The following CAMK1D variants were observed in gnomAD, a reference collection of about 807,000 sequenced individuals.
CAMK1D encodes the protein calcium/calmodulin dependent protein kinase ID, also known as calcium/calmodulin-dependent protein kinase type 1D.
In CAMK1D, 9 loss-of-function variants were observed where a neutral mutation model predicts 47.7. The observed-to-expected ratio is 0.19, with a 90% CI of 0.11 to 0.33. The LOEUF (loss-of-function observed/expected upper bound fraction) is 0.33. Ranked by LOEUF, CAMK1D falls within the 10% of genes least tolerant of loss-of-function variation. The pLI, the probability that CAMK1D is intolerant of heterozygous loss-of-function variation, is 1.00. For synonymous variants in CAMK1D, 184 were observed against 184.9 expected (o/e 0.99, Z 0.04); for missense variants, 291 against 488.7 (o/e 0.60, Z 3.81).
chr10:12,596,225 G>T (rs1409499358), intron 2 of CAMK1D, among the ~76,000 whole-genome samples: 1 of 152,120 alleles, frequency 6.6e-6, no homozygotes, highest in African/African-American at 2.4e-5. Context: ...ATTTCTTTGA[G>T]CATTAAAGGA....
chr10:12,404,788 G>A (rs1839355594), intron 1 of CAMK1D, among the ~76,000 whole-genome samples: 1 of 151,488 alleles, frequency 6.6e-6, no homozygotes, highest in Admixed American at 6.6e-5. Context: ...TCTGCCTCGT[G>A]GGTGATTCTC....
intron 2 of CAMK1D, among the ~76,000 whole-genome samples, chr10:12,603,138 C>T (rs10906182): frequency 0.85 from 128,597 of 151,824 alleles, 55,199 homozygotes; most frequent in Non-Finnish European, 0.93. Flanking sequence ...CTTGAACTTA[C>T]GACTTCAGAT....
At chr10:12,492,768 T>C (rs1165141613) in intron 1 of CAMK1D, among the ~76,000 whole-genome samples, 1 of 152,224 alleles carries the variant, frequency 6.6e-6, no homozygotes, top group Non-Finnish European at 1.5e-5. Flanking sequence ...GAGTCAGTTG[T>C]GGGCTCCCCA....
chr10:12,393,590 G>A (rs920059285), intron 1 of CAMK1D, among the ~76,000 whole-genome samples: 1 of 152,208 alleles, frequency 6.6e-6, no homozygotes, highest in East Asian at 1.9e-4. Context: ...TTGAGCTTCA[G>A]GCCCAGCTTT....
rs1833480703 is a variant in CAMK1D at position 12,834,851 on chromosome 10, G to C, written c.*5964G>C. On this transcript the variant is annotated 3_prime_UTR_variant, in exon 11 of 11. Coordinates refer to ENST00000619168, the MANE Select transcript of CAMK1D (RefSeq NM_153498.4). ...GCTCTCCTGGAAGCCCTGCACTTCA[G>C]GGCACAGGGGCCCTGGGACGTGGTT... is the stretch of plus-strand genomic sequence containing the variant. 6.6e-6 allele frequency: 1 copy of C among 152,110 alleles called. No individual in the cohort carries two copies. Among genetic ancestry groups the C allele is most frequent in the African/African-American group, 2.4e-5 (1 of 41,416 alleles). The allele number at this position is 152,110 out of a possible 1,614,324, so 9.4% of individuals were successfully genotyped here.
chr10:12,535,889 A>G (rs879372078), intron 1 of CAMK1D, among the ~76,000 whole-genome samples: 2 of 152,168 alleles, frequency 1.3e-5, no homozygotes, highest in Non-Finnish European at 2.9e-5. Context: ...GTGGTGTGTT[A>G]TCTGTGGTAA....
chr10:12,690,582 G>A (rs755156434), intron 3 of CAMK1D, among the ~76,000 whole-genome samples: 39 of 152,200 alleles, frequency 2.6e-4, no homozygotes, highest in Admixed American at 4.6e-4. Flanking sequence ...GCCTCACAGT[G>A]AGGTAGAATT....
chr10:12,560,978 A>G (rs1366021002), intron 2 of CAMK1D, among the ~76,000 whole-genome samples: 1 of 150,954 alleles, frequency 6.6e-6, no homozygotes, highest in Non-Finnish European at 1.5e-5. Flanking sequence ...CAGCAGTGCG[A>G]TCTCGGCTCA....
intron 1 of CAMK1D, among the ~76,000 whole-genome samples, chr10:12,468,269 G>C (rs971732214): frequency 7.9e-5 from 12 of 152,128 alleles, no homozygotes; most frequent in African/African-American, 2.7e-4. Flanking sequence ...TGTTGCCCAG[G>C]CTGGCTCATC....
At chr10:12,734,472 GTGTATATATACACATATGTATA>G (rs2130823721) in intron 3 of CAMK1D, among the ~76,000 whole-genome samples, 1 of 21,084 alleles carries the variant, frequency 4.7e-5, no homozygotes, top group Admixed American at 5.9e-4. Flanking sequence ...ATACACATAT[GTGTATATATACACATATGTATA>G]TATATACACA....
rs774690063 is a variant in CAMK1D at position 12,357,978 on chromosome 10, G to A, written c.92+8068G>A. Reference sequence around the variant, plus strand: ...ACATGCCGTAGGTCAAGTTCATTCCGCCACAGACCAAGTTCATTTTATATC... The same window carrying A: ...ACATGCCGTAGGTCAAGTTCATTCCACCACAGACCAAGTTCATTTTATATC... On this transcript the variant is annotated intron_variant, in intron 1 of 10. Transcript: ENST00000619168. Among the ~76,000 whole-genome samples the A allele has an allele frequency of 1.3e-4, 20 of 152,104 alleles. No individual in the cohort carries two copies. In the East Asian group the frequency reaches 2.1e-3, roughly 16 times the overall value.
At chr10:12,673,523 T>C (rs1237257910) in intron 3 of CAMK1D, among the ~76,000 whole-genome samples, 2 of 152,208 alleles carry the variant, frequency 1.3e-5, no homozygotes, top group Non-Finnish European at 2.9e-5. Flanking sequence ...AGTTCCAGTG[T>C]TGTTTTGTGG....
At chr10:12,414,416 A>T (rs1839774185) in intron 1 of CAMK1D, among the ~76,000 whole-genome samples, 1 of 152,196 alleles carries the variant, frequency 6.6e-6, no homozygotes, top group Non-Finnish European at 1.5e-5. Flanking sequence ...CTGTGGTTTT[A>T]GGGAAAAATA....
At chr10:12,686,346 A>C (rs1832665449) in intron 3 of CAMK1D, among the ~76,000 whole-genome samples, 1 of 151,998 alleles carries the variant, frequency 6.6e-6, no homozygotes, top group African/African-American at 2.4e-5. Flanking sequence ...TTGGAGATGG[A>C]GTTTCGCTCC....
intron 3 of CAMK1D, among the ~76,000 whole-genome samples, chr10:12,684,440 C>T (rs1026894262): frequency 9.2e-5 from 14 of 151,806 alleles, no homozygotes; most frequent in African/African-American, 2.4e-5. Context: ...GAACAGGCTC[C>T]AGGTATTTTA....
chr10:12,614,123 T>A (rs781181444), intron 2 of CAMK1D, among the ~76,000 whole-genome samples: 1 of 152,242 alleles, frequency 6.6e-6, no homozygotes, highest in Non-Finnish European at 1.5e-5. Context: ...CCAGATTTTC[T>A]GCTTTGTAGC....
At chr10:12,635,279 A>G (rs1329439730) in intron 2 of CAMK1D, among the ~76,000 whole-genome samples, 1 of 152,130 alleles carries the variant, frequency 6.6e-6, no homozygotes, top group Admixed American at 6.5e-5. Flanking sequence ...ACCACTGAGA[A>G]TCGTCATTTC....
intron 1 of CAMK1D, among the ~76,000 whole-genome samples, chr10:12,460,858 C>T (rs900325920): frequency 2.6e-5 from 4 of 152,210 alleles, no homozygotes; most frequent in African/African-American, 4.8e-5. Context: ...TGAGCCAGCA[C>T]TCCTGGCCTC....
intron 2 of CAMK1D, among the ~76,000 whole-genome samples, chr10:12,623,071 CCCTTCCTT>C (rs1236617001): frequency 1.9e-5 from 2 of 104,972 alleles, no homozygotes; most frequent in Non-Finnish European, 3.9e-5. Context: ...CTCCCTTCCT[CCCTTCCTT>C]CCTTCCTCCC....
Sources: gnomAD v4.1 joint callset for allele counts (sites outside exome capture counted in the v4.1 genomes callset) on GRCh38, gnomAD v4.1.1 for gene constraint, MANE v1.5 for transcripts, NCBI Gene and HGNC (gene_info 2026-07-23, HGNC 2026-07-21) for gene names.